Variants in FSTL4 observed in about 807,000 individuals in gnomAD.
The protein encoded by FSTL4 is follistatin-related protein 4.
FSTL4 carries 28 observed loss-of-function variants against 78.2 expected under a neutral mutation model. The ratio of observed to expected loss-of-function variants is 0.36; its 90% CI spans 0.27 to 0.49. The LOEUF is 0.49. Among genes scored for constraint, FSTL4 ranks in the 20% least tolerant of loss-of-function variants. FSTL4 has a pLI of 0.98. For synonymous variants in FSTL4, 422 were observed against 440.5 expected (o/e 0.96, Z 0.53); for missense variants, 922 against 1,084.9 (o/e 0.85, Z 2.11).
At chr5:133,813,237 C>A in the FSTL4 span, among the ~76,000 whole-genome samples, 2 of 152,214 alleles carry the variant, frequency 1.3e-5, no homozygotes, top group Admixed American at 6.5e-5. Flanking sequence ...AAAAAATAAA[C>A]GTGAAATAAA....
chr5:133,418,620 C>T (rs1756627636), intron 3 of FSTL4, among the ~76,000 whole-genome samples: 1 of 152,150 alleles, frequency 6.6e-6, no homozygotes, highest in African/African-American at 2.4e-5. Flanking sequence ...ACAAATGCTA[C>T]CTTAACTCAT....
At chr5:133,576,636 C>A (rs772454845) in intron 2 of FSTL4, among the ~76,000 whole-genome samples, 22 of 152,176 alleles carry the variant, frequency 1.4e-4, no homozygotes, top group Non-Finnish European at 3.1e-4. Flanking sequence ...CCCTGACTGG[C>A]AGCACCTCCA....
intron 4 of FSTL4, among the ~76,000 whole-genome samples, chr5:133,375,313 A>ATATATATATATATATATATATATATATAG (rs1354744825): frequency 3.2e-5 from 1 of 31,058 alleles, no homozygotes; most frequent in Admixed American, 5.0e-4. Context: ...TATATATATA[A>ATATATATATATATATATATATATATATAG]AAGACTCTAA....
chr5:133,200,323 C>G (rs1168474062), intron 15 of FSTL4, among the ~76,000 whole-genome samples: 1 of 152,286 alleles, frequency 6.6e-6, no homozygotes, highest in Non-Finnish European at 1.5e-5. Context: ...TTAGTACCCT[C>G]TTCCCCTGGA....
Position 133,400,731 on chromosome 5 carries a change from T to A in FSTL4, c.409+7A>T. ...CCAAAACCACAGGGCAAGGGCCCTG[T>A]TCCTACCTTTGAGGAAACAGTCCTT... On this transcript the variant is annotated splice_region_variant and intron_variant, in intron 4 of 15. Transcript: ENST00000265342. 6.2e-7 allele frequency: 1 copy of A among 1,613,468 alleles called. No homozygotes were observed. The highest frequency in any genetic ancestry group is 2.2e-5 in the East Asian group (1 of 44,868).
intron 3 of FSTL4, among the ~76,000 whole-genome samples, chr5:133,510,111 G>C (rs1160321091): frequency 1.3e-5 from 2 of 152,232 alleles, no homozygotes; most frequent in African/African-American, 4.8e-5. Context: ...TATGAGGAAG[G>C]CACCAGCATT....
chr5:133,394,923 C>CTG (rs566020714), intron 4 of FSTL4, among the ~76,000 whole-genome samples: 373 of 152,314 alleles, frequency 2.4e-3, no homozygotes, highest in African/African-American at 8.1e-3. Flanking sequence ...AATCAGCACC[C>CTG]TGTGTCTAGC....
the FSTL4 span, among the ~76,000 whole-genome samples, chr5:133,800,324 A>G: frequency 7.2e-6 from 1 of 138,252 alleles, no homozygotes; most frequent in Non-Finnish European, 1.6e-5. Flanking sequence ...TCTTGCACCA[A>G]GGTTTAGGGC....
chr5:133,684,623 C>A, the FSTL4 span, among the ~76,000 whole-genome samples: 2 of 152,162 alleles, frequency 1.3e-5, no homozygotes, highest in Non-Finnish European at 2.9e-5. Flanking sequence ...GGTCTTTCTG[C>A]CTTCGAGTAT....
chr5:133,798,984 G>GGGAGGGAGGGAGGGAGGGAT, the FSTL4 span, among the ~76,000 whole-genome samples: 2 of 87,276 alleles, frequency 2.3e-5, no homozygotes, highest in African/African-American at 1.1e-4. Flanking sequence ...GAGGGAGGGA[G>GGGAGGGAGGGAGGGAGGGAT]GGAGGAAGGG....
At chr5:133,255,954 CT>C (rs1752369924) in intron 6 of FSTL4, among the ~76,000 whole-genome samples, 1 of 152,164 alleles carries the variant, frequency 6.6e-6, no homozygotes, top group South Asian at 2.1e-4. Flanking sequence ...GATTCTGGTG[CT>C]TTGTAGTGAT....
At chr5:133,539,176 A>G (rs538252455) in intron 3 of FSTL4, among the ~76,000 whole-genome samples, 8 of 151,690 alleles carry the variant, frequency 5.3e-5, no homozygotes, top group African/African-American at 2.0e-4. Flanking sequence ...CATGGAAGAA[A>G]GGTCAAATTC....
intron 3 of FSTL4, among the ~76,000 whole-genome samples, chr5:133,435,715 GCTC>G (rs1191855078): frequency 6.6e-6 from 1 of 152,128 alleles, no homozygotes; most frequent in Non-Finnish European, 1.5e-5. Context: ...CTACGATTGT[GCTC>G]CTATTTTTCC....
chr5:133,507,519 A>G (rs928379814), intron 3 of FSTL4, among the ~76,000 whole-genome samples: 1 of 145,704 alleles, frequency 6.9e-6, no homozygotes, highest in Non-Finnish European at 1.5e-5. Flanking sequence ...GGAGACTTGA[A>G]AGCATTTTTT....
intron 3 of FSTL4, among the ~76,000 whole-genome samples, chr5:133,475,783 C>T (rs1367744118): frequency 2.6e-5 from 4 of 152,156 alleles, no homozygotes; most frequent in African/African-American, 9.7e-5. Flanking sequence ...TTGGAGTGGT[C>T]TGCATAATCA....
At chr5:133,718,179 G>A in the FSTL4 span, among the ~76,000 whole-genome samples, 3 of 151,732 alleles carry the variant, frequency 2.0e-5, no homozygotes, top group Admixed American at 2.0e-4. Flanking sequence ...TACAACCTCC[G>A]CCTCCCGGGT....
intron 15 of FSTL4, 82 bp downstream of exon 15, chr5:133,201,851 G>C: frequency 1.3e-6 from 1 of 746,828 alleles, no homozygotes. Flanking sequence ...GAAATGAGCA[G>C]GTCCCATGCT....
chr5:133,607,936 C>T (rs1212316222), intron 1 of FSTL4, among the ~76,000 whole-genome samples: 1 of 152,060 alleles, frequency 6.6e-6, no homozygotes, highest in African/African-American at 2.4e-5. Flanking sequence ...GGGAGGGGAA[C>T]CATAAAAAGA....
At chr5:133,800,410 A>G in the FSTL4 span, among the ~76,000 whole-genome samples, 1 of 138,562 alleles carries the variant, frequency 7.2e-6, no homozygotes, top group Admixed American at 7.4e-5. Flanking sequence ...CATAAAACAC[A>G]CTAACACTAA....
Sources: gnomAD v4.1 joint callset for allele counts (sites outside exome capture counted in the v4.1 genomes callset) on GRCh38, gnomAD v4.1.1 for gene constraint, MANE v1.5 for transcripts, NCBI Gene and HGNC (gene_info 2026-07-23, HGNC 2026-07-21) for gene names.